RNF144B: variants seen among roughly 807,000 people sequenced by gnomAD.
RNF144B encodes the protein E3 ubiquitin-protein ligase RNF144B.
Under a neutral mutation model 40.2 loss-of-function variants are expected in RNF144B, and 25 were observed. The observed-to-expected ratio is 0.62, with a 90% confidence interval of 0.45 to 0.87. RNF144B has a LOEUF of 0.87. RNF144B is among the 40% of genes least tolerant of loss of function. The probability of loss-of-function intolerance (pLI) is 0.00; values close to 1 mark genes in which losing one functional copy is unlikely to be tolerated. For synonymous variants in RNF144B, 145 were observed against 136.3 expected, an observed-to-expected ratio of 1.06 and a Z score of -0.44; for missense variants, 365 against 373.7, an observed-to-expected ratio of 0.98 and a Z score of 0.19.
intron 7 of RNF144B, among the ~76,000 whole-genome samples, chr6:18,463,694 T>C (rs1417455878): frequency 6.6e-6 from 1 of 152,226 alleles, no homozygotes; most frequent in Non-Finnish European, 1.5e-5. Context: ...TAAAGCCCTT[T>C]AAGGCATATT....
chr6:18,424,869 T>C (rs1325857929), intron 2 of RNF144B, among the ~76,000 whole-genome samples: 1 of 152,214 alleles, frequency 6.6e-6, no homozygotes, highest in Non-Finnish European at 1.5e-5. Context: ...GTGGTTTAAC[T>C]GGTGCTTTGC....
intron 2 of RNF144B, among the ~76,000 whole-genome samples, chr6:18,401,575 A>G (rs1363762944): frequency 6.6e-6 from 1 of 152,174 alleles, no homozygotes. Flanking sequence ...TGTAATTTGA[A>G]TCAGATTCAC....
At position 18,416,239 on chromosome 6, in the gene RNF144B, C is replaced by A. The variant is rs1795147437; in HGVS notation, c.166-11342C>A. On this transcript the variant is annotated intron_variant, in intron 2 of 7. Transcript: ENST00000259939. The surrounding 1 kb of genome is among the most constrained non-coding windows in gnomAD (Gnocchi z 5.5). The stretch of plus-strand genomic sequence containing the variant: ...TGGGGCCTCCTTCTGTTAAGAAAGG[C>A]AGCACAAGTGGGACAAAAGGAAACT... Among the ~76,000 whole-genome samples, 1 of 152,150 alleles carries A rather than the reference C, an allele frequency of 6.6e-6. No homozygotes were observed.
chr6:18,400,762 C>T lies in RNF144B; in HGVS notation c.165+1063C>T, dbSNP rs923919172. Among the ~76,000 whole-genome samples the T allele has an allele frequency of 6.6e-6, 1 of 152,256 alleles. No individual in the cohort carries two copies. Among genetic ancestry groups the T allele is most frequent in the Middle Eastern group, 3.4e-3 (1 of 294 alleles). On this transcript the variant is annotated intron_variant, in intron 2 of 7. Coordinates refer to ENST00000259939, the MANE Select transcript of RNF144B (RefSeq NM_182757.4). This position sits in a 1 kb window ranked among gnomAD's most constrained non-coding sequence, Gnocchi z 5.6. ...TATCAGTTAAGGAAACAAAACCCAG[C>T]GAAGTTTCTTGCTTTTAGGAGCTTA...
intron 1 of RNF144B, among the ~76,000 whole-genome samples, chr6:18,389,618 T>C (rs1794542408): frequency 6.6e-6 from 1 of 152,156 alleles, no homozygotes; most frequent in African/African-American, 2.4e-5. Flanking sequence ...GAGTGAAGTT[T>C]TTAGTGTTTG....
rs1463183245 is a variant in RNF144B at position 18,419,296 on chromosome 6, C to T, written c.166-8285C>T. Among the ~76,000 whole-genome samples the T allele has an allele frequency of 6.6e-6, 1 of 152,078 alleles. No homozygotes were observed. The highest frequency in any genetic ancestry group is 1.5e-5 in the Non-Finnish European group (1 of 68,010). On this transcript the variant is annotated intron_variant, in intron 2 of 7. Coordinates refer to ENST00000259939, the MANE Select transcript of RNF144B (RefSeq NM_182757.4). This position sits in a 1 kb window ranked among gnomAD's most constrained non-coding sequence, Gnocchi z 4.6. The stretch of plus-strand genomic sequence containing the variant: ...AGTGTTTCTTGTCCATAAAAACATA[C>T]CAGGCTTAGATCATTTTCTTCGGGG...
rs140320127 is a variant in RNF144B at position 18,433,837 on chromosome 6, T to A, written c.271-5847T>A. On this transcript the variant is annotated intron_variant, in intron 3 of 7. Transcript: ENST00000259939. The stretch of plus-strand genomic sequence containing the variant: ...ATGGGTGAATGTGCTGTTTTTCTCC[T>A]CTGTTAGGAAGAGCAGCTCTCGTTC... Among the ~76,000 whole-genome samples the A allele has an allele frequency of 7.2e-5, 11 of 152,304 alleles. 1 individual carries two copies. The East Asian group carries it at 1.4e-3, about 19-fold the overall frequency.
rs182207672 is a variant in RNF144B at position 18,449,744 on chromosome 6, C to T, written c.332-7411C>T. ...TGGATATAACTAAAATTAACATATG[C>T]GTTATCTATCTTATGTAGTCATTGT... On this transcript the variant is annotated intron_variant, in intron 4 of 7. Coordinates refer to ENST00000259939, the MANE Select transcript of RNF144B (RefSeq NM_182757.4). Among the ~76,000 whole-genome samples, 623 of 150,980 alleles carry T rather than the reference C, an allele frequency of 4.1e-3. 2 individuals carry two copies. Among genetic ancestry groups the T allele is most frequent in the Non-Finnish European group, 6.6e-3 (446 of 67,752 alleles).
At position 18,450,631 on chromosome 6, in the gene RNF144B, C is replaced by T. The variant is rs1759191030; in HGVS notation, c.332-6524C>T. Among the ~76,000 whole-genome samples, 1 of 152,160 alleles carries T rather than the reference C, an allele frequency of 6.6e-6. No individual in the cohort carries two copies. Among genetic ancestry groups the T allele is most frequent in the Admixed American group, 6.5e-5 (1 of 15,274 alleles). ...TAAGGTGTAAATATTAATACTTCCA[C>T]CATGGCTAATTTTAAGCTACCAAGG... On this transcript the variant is annotated intron_variant, in intron 4 of 7. Coordinates refer to ENST00000259939, the MANE Select transcript of RNF144B (RefSeq NM_182757.4). This position sits in a 1 kb window ranked among gnomAD's most constrained non-coding sequence, Gnocchi z 4.7.
chr6:18,393,409 C>T lies in RNF144B; in HGVS notation c.-37+5779C>T, dbSNP rs115924601. 3.3e-3 allele frequency among the ~76,000 whole-genome samples: 499 copies of T among 152,278 alleles called. 1 individual carries two copies. The highest frequency in any genetic ancestry group is 0.011 in the African/African-American group (453 of 41,564). On this transcript the variant is annotated intron_variant, in intron 1 of 7. Transcript: ENST00000259939. ...CATTGCTGTTGCTACTGCTACCAGC[C>T]AGCAGGTCACCCTGCCATTGTATTT...
In RNF144B at chr6:18,403,109, T is replaced by C. The variant is rs78600731; in HGVS notation, c.165+3410T>C. Among the ~76,000 whole-genome samples, 713 of 152,352 alleles carry C rather than the reference T, an allele frequency of 4.7e-3. 9 individuals carry two copies. The highest frequency in any genetic ancestry group is 0.016 in the African/African-American group (675 of 41,584). ...CAAAGAGTATCTGTCTCTCCCTTCC[T>C]CTCTTTTGCCTGTATATTTAAATAA... On this transcript the variant is annotated intron_variant, in intron 2 of 7. Coordinates refer to ENST00000259939, the MANE Select transcript of RNF144B (RefSeq NM_182757.4).
intron 3 of RNF144B, among the ~76,000 whole-genome samples, chr6:18,433,214 A>G (rs1436496058): frequency 3.3e-5 from 5 of 152,174 alleles, no homozygotes; most frequent in Non-Finnish European, 7.3e-5. Flanking sequence ...GCAAGAGGCC[A>G]TATTCCTGTT....
Position 18,419,843 on chromosome 6 carries a change from CT to C in RNF144B, c.166-7734del, listed in dbSNP as rs755723268. Reference sequence around the variant, plus strand: ...GCTGTTCTATGCTGTTTTATTATGACTTTTCTTTGATTTCTTTGATTAGGAT... The same window carrying C: ...GCTGTTCTATGCTGTTTTATTATGACTTTCTTTGATTTCTTTGATTAGGAT... On this transcript the variant is annotated intron_variant, in intron 2 of 7. Transcript: ENST00000259939. The surrounding 1 kb of genome is among the most constrained non-coding windows in gnomAD (Gnocchi z 4.6). Among the ~76,000 whole-genome samples, 44 of 152,160 alleles carry C rather than the reference CT, an allele frequency of 2.9e-4. No individual in the cohort carries two copies. The highest frequency in any genetic ancestry group is 6.0e-4 in the Non-Finnish European group (41 of 68,028).
chr6:18,433,469 TTAAC>T (rs1758742134), intron 3 of RNF144B, among the ~76,000 whole-genome samples: 1 of 152,224 alleles, frequency 6.6e-6, no homozygotes. Context: ...AGAAAATTCT[TTAAC>T]TAATGGCACA....
At chr6:18,463,939 T>G (rs1651661882) in intron 7 of RNF144B, among the ~76,000 whole-genome samples, 7 of 152,126 alleles carry the variant, frequency 4.6e-5, no homozygotes, top group Admixed American at 4.6e-4. Flanking sequence ...CTCATGAAAC[T>G]TATTTACTAC....
At chr6:18,436,371 G>C (rs1402052465) in intron 3 of RNF144B, among the ~76,000 whole-genome samples, 1 of 152,118 alleles carries the variant, frequency 6.6e-6, no homozygotes, top group Non-Finnish European at 1.5e-5. Flanking sequence ...AAAGACCTTA[G>C]TGGAACAATT....
chr6:18,438,388 A>G (rs1202868285), intron 3 of RNF144B, among the ~76,000 whole-genome samples: 1 of 152,168 alleles, frequency 6.6e-6, no homozygotes, highest in Non-Finnish European at 1.5e-5. Flanking sequence ...AAAGATTGCT[A>G]AGGAGCTTTA....
intron 4 of RNF144B, among the ~76,000 whole-genome samples, chr6:18,453,197 G>A (rs184776738): frequency 7.1e-6 from 1 of 140,552 alleles, no homozygotes; most frequent in African/African-American, 2.7e-5. Flanking sequence ...GGAGTACAGT[G>A]GCACGATCTT....
chr6:18,412,601 A>G lies in RNF144B; in HGVS notation c.165+12902A>G, dbSNP rs1795070020. Among the ~76,000 whole-genome samples, 1 of 152,216 alleles carries G rather than the reference A, an allele frequency of 6.6e-6. No homozygotes were observed. The highest frequency in any genetic ancestry group is 2.4e-5 in the African/African-American group (1 of 41,454). Reference sequence around the variant, plus strand: ...AGTGACAAAATGTTACTAAGTAGGTAAAGGAGGTTTAAAAAATTTAGGCAA... The same window carrying G: ...AGTGACAAAATGTTACTAAGTAGGTGAAGGAGGTTTAAAAAATTTAGGCAA... On this transcript the variant is annotated intron_variant, in intron 2 of 7. Transcript: ENST00000259939. This position sits in a 1 kb window ranked among gnomAD's most constrained non-coding sequence, Gnocchi z 4.2.
Sources: gnomAD v4.1 joint callset for allele counts (sites outside exome capture counted in the v4.1 genomes callset) on GRCh38, gnomAD v4.1.1 for gene constraint, Gnocchi (gnomAD v3.1) non-coding constraint, MANE v1.5 for transcripts, NCBI Gene and HGNC (gene_info 2026-07-23, HGNC 2026-07-21) for gene names.